CNTN5: variants seen among roughly 807,000 people sequenced by gnomAD.
The protein encoded by CNTN5 is contactin-5.
Under a neutral mutation model 129.1 loss-of-function variants are expected in CNTN5, and 77 were observed. That is an observed-to-expected ratio of 0.60 (90% CI 0.50 to 0.72). The LOEUF (loss-of-function observed/expected upper bound fraction) is 0.72. Ranked by LOEUF, CNTN5 falls within the 30% of genes least tolerant of loss-of-function variation. The pLI, the probability that CNTN5 is intolerant of heterozygous loss-of-function variation, is 0.00. For missense variants in CNTN5, 1,478 were observed against 1,328.8 expected, an observed-to-expected ratio of 1.11 and a Z score of -1.75; for synonymous variants, 509 against 465.6, an observed-to-expected ratio of 1.09 and a Z score of -1.20.
intron 3 of CNTN5, among the ~76,000 whole-genome samples, chr11:99,788,359 G>A (rs1201621118): frequency 2.0e-5 from 3 of 151,800 alleles, no homozygotes; most frequent in African/African-American, 7.3e-5. Flanking sequence ...ACTGTCTTGG[G>A]CAATAAAAGC....
At chr11:99,325,271 T>C (rs1424639138) in intron 1 of CNTN5, 75 bp from the exon 2 acceptor site, 1 of 149,536 alleles carries the variant, frequency 6.7e-6, no homozygotes, top group African/African-American at 2.5e-5. Flanking sequence ...TTTAATAAGA[T>C]GCATGGGTTT....
intron 2 of CNTN5, among the ~76,000 whole-genome samples, chr11:99,522,890 T>C (rs906206746): frequency 4.6e-5 from 7 of 152,142 alleles, no homozygotes; most frequent in Non-Finnish European, 1.0e-4. Context: ...GTTACAAGAA[T>C]CATCCTTCCA....
At chr11:99,292,360 G>T (rs1243963883) in intron 1 of CNTN5, among the ~76,000 whole-genome samples, 1 of 151,560 alleles carries the variant, frequency 6.6e-6, no homozygotes, top group Non-Finnish European at 1.5e-5. Flanking sequence ...ATCTGGGGAT[G>T]TAAAAAGAAA....
intron 2 of CNTN5, among the ~76,000 whole-genome samples, chr11:99,425,477 G>T (rs1943078060): frequency 6.6e-6 from 1 of 152,236 alleles, no homozygotes; most frequent in Non-Finnish European, 1.5e-5. Context: ...TCTCTGCTGT[G>T]CTATGTGGTG....
chr11:99,627,382 C>T (rs1311957602), intron 3 of CNTN5, among the ~76,000 whole-genome samples: 1 of 151,938 alleles, frequency 6.6e-6, no homozygotes, highest in South Asian at 2.1e-4. Flanking sequence ...ACTATTCTTA[C>T]CATAGTTGAA....
rs565145318 is a variant in CNTN5 at position 99,790,793 on chromosome 11, A to G, written c.56-28751A>G. ...ACTAAGTTACATTCCCACTAGCAAC[A>G]TATAAGCCATCCCTTTTTCTGCAAC... On this transcript the variant is annotated intron_variant, in intron 3 of 24. Coordinates refer to ENST00000524871, the MANE Select transcript of CNTN5 (RefSeq NM_014361.4). 1.1e-4 allele frequency among the ~76,000 whole-genome samples: 17 copies of G among 152,174 alleles called. No individual in the cohort carries two copies. The East Asian group carries it at 3.1e-3, about 28-fold the overall frequency.
intron 13 of CNTN5, among the ~76,000 whole-genome samples, chr11:100,177,117 G>A (rs1260510721): frequency 6.6e-6 from 1 of 152,054 alleles, no homozygotes; most frequent in African/African-American, 2.4e-5. Context: ...TGTGCAATTT[G>A]AAGGAAAGGA....
At chr11:99,161,700 A>C (rs1367895986) in intron 1 of CNTN5, among the ~76,000 whole-genome samples, 2 of 152,182 alleles carry the variant, frequency 1.3e-5, no homozygotes, top group East Asian at 1.9e-4. Context: ...CATTTTCCCC[A>C]GGCTTCTATC....
At chr11:100,092,533 G>C (rs1281483976) in intron 13 of CNTN5, among the ~76,000 whole-genome samples, 2 of 152,058 alleles carry the variant, frequency 1.3e-5, no homozygotes, top group Non-Finnish European at 2.9e-5. Context: ...ACTTAATGCT[G>C]TTTAAAACCC....
chr11:99,171,105 C>T (rs1414502480), intron 1 of CNTN5, among the ~76,000 whole-genome samples: 2 of 151,876 alleles, frequency 1.3e-5, no homozygotes, highest in Non-Finnish European at 2.9e-5. Flanking sequence ...AAGTATTGCA[C>T]GTATCTAACT....
intron 3 of CNTN5, among the ~76,000 whole-genome samples, chr11:99,818,395 A>G (rs1299788930): frequency 6.6e-6 from 1 of 152,152 alleles, no homozygotes; most frequent in Non-Finnish European, 1.5e-5. Context: ...AACTGGAGCT[A>G]CAGGCATGTG....
At chr11:99,492,680 A>G (rs1359054533) in intron 2 of CNTN5, among the ~76,000 whole-genome samples, 2 of 152,160 alleles carry the variant, frequency 1.3e-5, no homozygotes, top group African/African-American at 4.8e-5. Flanking sequence ...ACACATTAAC[A>G]AGAGAAAAAC....
intron 3 of CNTN5, among the ~76,000 whole-genome samples, chr11:99,610,080 G>A (rs1011057165): frequency 6.6e-6 from 1 of 152,088 alleles, no homozygotes; most frequent in Admixed American, 6.6e-5. Context: ...CCACAAAGAC[G>A]ATATATGGTA....
chr11:99,807,911 T>G (rs771980084), intron 3 of CNTN5, among the ~76,000 whole-genome samples: 5 of 152,160 alleles, frequency 3.3e-5, no homozygotes, highest in Non-Finnish European at 7.3e-5. Context: ...TATTTAAAAC[T>G]AGAATTCAGA....
intron 3 of CNTN5, among the ~76,000 whole-genome samples, chr11:99,744,079 G>C (rs917035325): frequency 2.0e-5 from 3 of 151,966 alleles, no homozygotes; most frequent in Non-Finnish European, 4.4e-5. Context: ...AATGGGGGAG[G>C]GGGAAGACAT....
intron 3 of CNTN5, among the ~76,000 whole-genome samples, chr11:99,635,495 C>A (rs5006806): frequency 0.6 from 91,085 of 151,274 alleles, 28,209 homozygotes; most frequent in Admixed American, 0.69. Context: ...AGTAATAAAA[C>A]AAATTGAGCC....
chr11:99,126,515 G>A (rs141472539), intron 1 of CNTN5, among the ~76,000 whole-genome samples: 116 of 152,286 alleles, frequency 7.6e-4, no homozygotes, highest in African/African-American at 2.7e-3. Context: ...GGTGTAATGT[G>A]TGGTGTTTCT....
At chr11:100,243,707 A>G (rs923980257) in intron 16 of CNTN5, among the ~76,000 whole-genome samples, 28 of 152,112 alleles carry the variant, frequency 1.8e-4, no homozygotes, top group Non-Finnish European at 3.2e-4. Context: ...CTGACTCAGC[A>G]CCAATAAAAT....
intron 13 of CNTN5, among the ~76,000 whole-genome samples, chr11:100,128,025 A>G (rs1459181060): frequency 3.3e-5 from 5 of 152,024 alleles, no homozygotes; most frequent in Non-Finnish European, 7.4e-5. Context: ...GTCTTTTCTA[A>G]TATCCTTTCT....
Sources: gnomAD v4.1 joint callset for allele counts (sites outside exome capture counted in the v4.1 genomes callset) on GRCh38, gnomAD v4.1.1 for gene constraint, MANE v1.5 for transcripts, NCBI Gene and HGNC (gene_info 2026-07-23, HGNC 2026-07-21) for gene names.